The following TCF12 variants were observed in gnomAD, a reference collection of about 807,000 sequenced individuals.
TCF12 encodes the protein transcription factor 12, also known as DNA-binding protein HTF4.
In TCF12, 45 loss-of-function variants were observed where a neutral mutation model predicts 86.0. The ratio of observed to expected loss-of-function variants is 0.52; its 90% CI spans 0.41 to 0.67. TCF12 has a LOEUF of 0.67. TCF12 is among the 30% of genes least tolerant of loss of function. TCF12 has a pLI of 0.00. For missense variants in TCF12, 881 were observed against 859.9 expected (o/e 1.02, Z -0.31); for synonymous variants, 330 against 299.6 (o/e 1.10, Z -1.05).
intron 8 of TCF12, among the ~76,000 whole-genome samples, chr15:57,210,778 G>A (rs1490977492): frequency 2.6e-5 from 4 of 152,084 alleles, no homozygotes; most frequent in African/African-American, 9.7e-5. Context: ...GTTGCCACCC[G>A]TTTTTCACTC....
chr15:57,011,851 G>GGCTTGTATTTAAAGT (rs1311061547), intron 3 of TCF12, among the ~76,000 whole-genome samples: 1 of 152,164 alleles, frequency 6.6e-6, no homozygotes, highest in African/African-American at 2.4e-5. Flanking sequence ...AGTATTTTAT[G>GGCTTGTATTTAAAGT]ATTTCAAGGG....
intron 8 of TCF12, among the ~76,000 whole-genome samples, chr15:57,220,934 G>C (rs2058561500): frequency 6.6e-6 from 1 of 152,098 alleles, no homozygotes; most frequent in Non-Finnish European, 1.5e-5. Context: ...AATGTTTTAA[G>C]TTATAGAGAA....
chr15:56,978,541 G>A (rs2062729882), intron 3 of TCF12, among the ~76,000 whole-genome samples: 1 of 152,120 alleles, frequency 6.6e-6, no homozygotes, highest in South Asian at 2.1e-4. Context: ...CAAAAAGCAA[G>A]GGATGATAAA....
intron 3 of TCF12, among the ~76,000 whole-genome samples, chr15:57,041,367 A>C (rs2141452894): frequency 6.6e-6 from 1 of 152,138 alleles, no homozygotes; most frequent in South Asian, 2.1e-4. Context: ...TTTATTTTTT[A>C]TGTTGTCTTC....
chr15:57,166,299 T>A (rs1253868003), intron 5 of TCF12, 103 bp from the exon 6 acceptor site: 1 of 924,910 alleles, frequency 1.1e-6, no homozygotes, highest in African/African-American at 1.7e-5. Context: ...ATTTGTTCTT[T>A]CTATTTTAAA....
intron 5 of TCF12, among the ~76,000 whole-genome samples, chr15:57,114,633 G>A (rs1168313361): frequency 6.6e-6 from 1 of 152,090 alleles, no homozygotes; most frequent in East Asian, 1.9e-4. Flanking sequence ...ATTTTAAGTG[G>A]AGGTAGTAGC....
intron 3 of TCF12, among the ~76,000 whole-genome samples, chr15:57,050,288 T>C (rs1427091625): frequency 2.0e-5 from 3 of 152,144 alleles, no homozygotes; most frequent in Admixed American, 2.0e-4. Flanking sequence ...TTTTATCTGG[T>C]ATTATTTTCC....
chr15:57,064,379 A>G (rs1381249473), intron 4 of TCF12, among the ~76,000 whole-genome samples: 2 of 152,184 alleles, frequency 1.3e-5, no homozygotes, highest in East Asian at 3.9e-4. Flanking sequence ...ACAAAAACAA[A>G]AACAAAAAAC....
chr15:57,225,661 G>A (rs2058840261), intron 8 of TCF12, among the ~76,000 whole-genome samples: 1 of 152,102 alleles, frequency 6.6e-6, no homozygotes, highest in Non-Finnish European at 1.5e-5. Flanking sequence ...TTTAGGAAAT[G>A]TCTTTAATTT....
rs567654542 is a variant in TCF12 at position 57,212,132 on chromosome 15, A to G, written c.579+14307A>G. ...ACCTAACAAATTCTGTGGATTCTATACTTTACCAAAATAAAATGGTAATTA... is the reference window on the plus strand; with the variant it reads ...ACCTAACAAATTCTGTGGATTCTATGCTTTACCAAAATAAAATGGTAATTA... On this transcript the variant is annotated intron_variant, in intron 8 of 20. Transcript: ENST00000333725. 2.0e-5 allele frequency among the ~76,000 whole-genome samples: 3 copies of G among 152,266 alleles called. No homozygotes were observed. In the South Asian group the frequency reaches 6.2e-4, roughly 32 times the overall value.
intron 6 of TCF12, among the ~76,000 whole-genome samples, chr15:57,191,332 C>T (rs979498999): frequency 2.6e-5 from 4 of 152,062 alleles, no homozygotes; most frequent in Admixed American, 1.3e-4. Context: ...GGTGTGGTGG[C>T]ACATGCCTGT....
At chr15:56,928,278 G>T (rs1394001225) in intron 3 of TCF12, among the ~76,000 whole-genome samples, 2 of 151,934 alleles carry the variant, frequency 1.3e-5, no homozygotes, top group Non-Finnish European at 2.9e-5. Context: ...CTATAAAGCT[G>T]CTTAAAAAAT....
At chr15:56,975,109 A>G (rs1408167293) in intron 3 of TCF12, among the ~76,000 whole-genome samples, 1 of 152,144 alleles carries the variant, frequency 6.6e-6, no homozygotes, top group Non-Finnish European at 1.5e-5. Flanking sequence ...GACAATATAT[A>G]GCAAACATTT....
At chr15:57,164,237 A>ATGAAAGT (rs1419361466) in intron 5 of TCF12, among the ~76,000 whole-genome samples, 1 of 152,144 alleles carries the variant, frequency 6.6e-6, no homozygotes, top group Non-Finnish European at 1.5e-5. Flanking sequence ...GGCCCATACT[A>ATGAAAGT]TTACTGATAC....
At chr15:56,918,537 C>CA, upstream of TCF12, 1 of 287,758 alleles carries the variant, frequency 3.5e-6, no homozygotes, top group Non-Finnish European at 6.9e-6. Flanking sequence ...CAGTCCCCGA[C>CA]AGCTCCTCCC....
intron 3 of TCF12, among the ~76,000 whole-genome samples, chr15:57,013,936 T>A (rs1333842914): frequency 1.3e-5 from 2 of 152,216 alleles, no homozygotes; most frequent in Non-Finnish European, 2.9e-5. Flanking sequence ...TTTCATCTCT[T>A]TTTTAAAAAA....
chr15:57,166,288 A>C, intron 5 of TCF12, 114 bp from the exon 6 acceptor site: 1 of 816,170 alleles, frequency 1.2e-6, no homozygotes, highest in South Asian at 2.0e-5. Context: ...TCTTATTTCT[A>C]ATTTGTTCTT....
At chr15:57,008,817 T>C (rs181416263) in intron 3 of TCF12, among the ~76,000 whole-genome samples, 1 of 152,180 alleles carries the variant, frequency 6.6e-6, no homozygotes, top group Admixed American at 6.5e-5. Context: ...TAAAGCAAAA[T>C]TGTAGATAAT....
At chr15:56,983,089 G>A (rs576944059) in intron 3 of TCF12, among the ~76,000 whole-genome samples, 1 of 152,300 alleles carries the variant, frequency 6.6e-6, no homozygotes, top group South Asian at 2.1e-4. Context: ...AATAGTAGTA[G>A]CAGTGAGAAT....
Sources: allele counts gnomAD v4.1 joint callset (sites outside exome capture counted in the v4.1 genomes callset), GRCh38; gene constraint gnomAD v4.1.1; transcripts MANE v1.5; gene names NCBI Gene and HGNC (gene_info 2026-07-23, HGNC 2026-07-21).